The following SPAG16 variants were observed in gnomAD, a reference collection of about 807,000 sequenced individuals.
The protein encoded by SPAG16 is sperm-associated antigen 16 protein.
Under a neutral mutation model 80.4 loss-of-function variants are expected in SPAG16, and 86 were observed. That is an observed-to-expected ratio of 1.07 (90% CI 0.90 to 1.28). The LOEUF (loss-of-function observed/expected upper bound fraction) is 1.28. SPAG16 is among the 50% of genes most tolerant of loss of function. The pLI is 0.00. For missense variants in SPAG16, 870 were observed against 765.3 expected (o/e 1.14, Z -1.61); for synonymous variants, 294 against 265.9 (o/e 1.11, Z -1.03).
intron 10 of SPAG16, among the ~76,000 whole-genome samples, chr2:213,728,003 C>G (rs1391030373): frequency 1.3e-5 from 2 of 152,042 alleles, no homozygotes. Flanking sequence ...CACCCGCCAC[C>G]ACTCTCGGTT....
chr2:213,426,896 A>C (rs13021887), intron 9 of SPAG16, among the ~76,000 whole-genome samples: 1 of 149,230 alleles, frequency 6.7e-6, no homozygotes, highest in Non-Finnish European at 1.5e-5. Flanking sequence ...GCTACACTCT[A>C]TAGGATCCTT....
At chr2:214,304,017 A>G (rs1052642084) in intron 15 of SPAG16, among the ~76,000 whole-genome samples, 2 of 151,932 alleles carry the variant, frequency 1.3e-5, no homozygotes, top group Admixed American at 6.6e-5. Context: ...CCCACCCTCC[A>G]CCTTCCAGTA....
intron 9 of SPAG16, among the ~76,000 whole-genome samples, chr2:213,470,524 G>A (rs1162400687): frequency 1.3e-5 from 2 of 152,196 alleles, no homozygotes; most frequent in East Asian, 3.9e-4. Flanking sequence ...CTGCTACCAG[G>A]TAGCTGGTTG....
chr2:213,967,802 T>C (rs2044783260), intron 12 of SPAG16, among the ~76,000 whole-genome samples: 2 of 152,242 alleles, frequency 1.3e-5, no homozygotes, highest in Admixed American at 1.3e-4. Flanking sequence ...TTTTATGAAA[T>C]GTTGAGTCTG....
In SPAG16 at chr2:214,082,109, C is replaced by G. The variant is rs142902344; in HGVS notation, c.1528-26087C>G. Among the ~76,000 whole-genome samples the G allele has an allele frequency of 2.6e-5, 4 of 152,232 alleles. No individual in the cohort carries two copies. The East Asian group carries it at 7.8e-4, about 30-fold the overall frequency. On this transcript the variant is annotated intron_variant, in intron 13 of 15. Coordinates refer to ENST00000331683, the MANE Select transcript of SPAG16 (RefSeq NM_024532.5). Reference sequence around the variant, plus strand: ...CCTTTCTTCCTGGCTCTTCTTGCCCCTCGCTTTTGGCTTGGATACCTCTGC... The same window carrying G: ...CCTTTCTTCCTGGCTCTTCTTGCCCGTCGCTTTTGGCTTGGATACCTCTGC...
intron 10 of SPAG16, among the ~76,000 whole-genome samples, chr2:213,668,199 A>C (rs1349896231): frequency 6.6e-6 from 1 of 151,848 alleles, no homozygotes; most frequent in East Asian, 1.9e-4. Flanking sequence ...TCAGCCTTGC[A>C]AAGTGTTGGG....
intron 9 of SPAG16, among the ~76,000 whole-genome samples, chr2:213,482,240 G>T (rs1227665867): frequency 6.6e-6 from 1 of 152,204 alleles, no homozygotes; most frequent in East Asian, 1.9e-4. Context: ...GCACAAAGGG[G>T]TGGCCAAACA....
At chr2:214,080,710 TTTAA>T (rs2051342463) in intron 13 of SPAG16, among the ~76,000 whole-genome samples, 1 of 152,134 alleles carries the variant, frequency 6.6e-6, no homozygotes, top group African/African-American at 2.4e-5. Flanking sequence ...GTAACAATAT[TTTAA>T]TTGTCTAATT....
intron 10 of SPAG16, among the ~76,000 whole-genome samples, chr2:213,755,096 C>T (rs1014183583): frequency 2.6e-5 from 4 of 152,022 alleles, no homozygotes; most frequent in South Asian, 2.1e-4. Flanking sequence ...TACTCAATTT[C>T]GATGTTTTTG....
At chr2:214,128,094 T>A (rs1280997159) in intron 14 of SPAG16, among the ~76,000 whole-genome samples, 2 of 151,930 alleles carry the variant, frequency 1.3e-5, no homozygotes, top group Non-Finnish European at 2.9e-5. Flanking sequence ...AGTAAAATTA[T>A]CAGTGTAGGC....
chr2:213,575,760 A>G (rs1424637728), intron 10 of SPAG16, among the ~76,000 whole-genome samples: 1 of 152,172 alleles, frequency 6.6e-6, no homozygotes, highest in Non-Finnish European at 1.5e-5. Flanking sequence ...AGTCAATACA[A>G]TGCAATGGAT....
At chr2:213,581,011 GTTTACT>G (rs929910690) in intron 10 of SPAG16, among the ~76,000 whole-genome samples, 10 of 152,030 alleles carry the variant, frequency 6.6e-5, no homozygotes, top group African/African-American at 2.2e-4. Flanking sequence ...TCTAATTCAA[GTTTACT>G]TTTTTGAAGT....
At chr2:214,195,202 G>A (rs1028020206) in intron 15 of SPAG16, among the ~76,000 whole-genome samples, 1 of 151,264 alleles carries the variant, frequency 6.6e-6, no homozygotes, top group Non-Finnish European at 1.5e-5. Flanking sequence ...CCCTAAGGGT[G>A]GAAAATTCTT....
At chr2:213,564,749 T>C (rs1219563517) in intron 10 of SPAG16, among the ~76,000 whole-genome samples, 1 of 152,182 alleles carries the variant, frequency 6.6e-6, no homozygotes, top group Non-Finnish European at 1.5e-5. Context: ...TTCATTAACT[T>C]TGTTAATATG....
At chr2:213,721,970 G>GA (rs2066553083) in intron 10 of SPAG16, among the ~76,000 whole-genome samples, 1 of 151,996 alleles carries the variant, frequency 6.6e-6, no homozygotes, top group South Asian at 2.1e-4. Context: ...ATAATAAAAA[G>GA]AAAAAACTGT....
intron 15 of SPAG16, among the ~76,000 whole-genome samples, chr2:214,280,089 A>T (rs573794933): frequency 6.6e-6 from 1 of 152,214 alleles, no homozygotes; most frequent in Non-Finnish European, 1.5e-5. Flanking sequence ...AATTAACTCA[A>T]CATAGCAGAA....
chr2:213,548,880 C>T (rs963421396), intron 10 of SPAG16, among the ~76,000 whole-genome samples: 1 of 151,988 alleles, frequency 6.6e-6, no homozygotes, highest in East Asian at 1.9e-4. Context: ...GGGCTACTCC[C>T]GTGTTTGATA....
intron 7 of SPAG16, among the ~76,000 whole-genome samples, chr2:213,361,789 CCACACACACACA>C (rs10585217): frequency 5.7e-5 from 8 of 140,000 alleles, no homozygotes; most frequent in East Asian, 2.1e-4. Context: ...ACTGATAATG[CCACACACACACA>C]CACACACACA....
intron 15 of SPAG16, among the ~76,000 whole-genome samples, chr2:214,233,534 A>G (rs971257328): frequency 6.6e-6 from 1 of 152,068 alleles, no homozygotes; most frequent in Non-Finnish European, 1.5e-5. Flanking sequence ...GGGTCATGGT[A>G]CATACTTTGG....
Sources: allele counts gnomAD v4.1 joint callset (sites outside exome capture counted in the v4.1 genomes callset), GRCh38; gene constraint gnomAD v4.1.1; transcripts MANE v1.5; gene names NCBI Gene and HGNC (gene_info 2026-07-23, HGNC 2026-07-21).